Variants in STPG2 observed in about 807,000 individuals in gnomAD.
The protein encoded by STPG2 is sperm tail PG-rich repeat containing 2, also known as sperm-tail PG-rich repeat-containing protein 2.
Under a neutral mutation model 54.2 loss-of-function variants are expected in STPG2, and 56 were observed. That is an observed-to-expected ratio of 1.03 (90% CI 0.83 to 1.29). STPG2 has a LOEUF of 1.29. Ranked by LOEUF, STPG2 falls within the 50% of genes most tolerant of loss-of-function variation. The pLI is 0.00. For missense variants in STPG2, 596 were observed against 544.9 expected, an observed-to-expected ratio of 1.09 and a Z score of -0.93; for synonymous variants, 200 against 181.8, an observed-to-expected ratio of 1.10 and a Z score of -0.81.
At chr4:97,960,504 C>T (rs1331089179) in intron 7 of STPG2, among the ~76,000 whole-genome samples, 29 of 152,052 alleles carry the variant, frequency 1.9e-4, no homozygotes, top group Admixed American at 1.9e-3. Flanking sequence ...AGCAAAGTTT[C>T]CAGATACAAA....
intron 9 of STPG2, among the ~76,000 whole-genome samples, chr4:97,788,614 T>G (rs903676695): frequency 6.6e-6 from 1 of 152,122 alleles, no homozygotes; most frequent in Non-Finnish European, 1.5e-5. Flanking sequence ...CTAGATCATA[T>G]AGTAGTTCTA....
rs181290112 is a variant in STPG2, at chr4:97,928,958, G to A, written c.1044+14939C>T. Among the ~76,000 whole-genome samples, 152 of 152,086 alleles carry A rather than the reference G, an allele frequency of 1.0e-3. 1 individual carries two copies. Among genetic ancestry groups the A allele is most frequent in the African/African-American group, 2.7e-3 (114 of 41,482 alleles). ...AGGTAAACTTGTACCACAGAGATCT[G>A]CTGTACAGATATTTCACAACCCAGG... On this transcript the variant is annotated intron_variant, in intron 8 of 10. Transcript: ENST00000295268.
intron 6 of STPG2, 100 bp downstream of exon 6, chr4:97,981,059 G>A (rs1734657862): frequency 1.5e-6 from 2 of 1,300,410 alleles, no homozygotes; most frequent in Non-Finnish European, 2.1e-6. Context: ...CCAACCATAG[G>A]ACAAAAAAGA....
intron 9 of STPG2, among the ~76,000 whole-genome samples, chr4:97,737,239 G>A (rs1725035447): frequency 6.6e-6 from 1 of 152,116 alleles, no homozygotes; most frequent in Admixed American, 6.5e-5. Flanking sequence ...ACCAAAGGTA[G>A]ATAAAACCAC....
intron 8 of STPG2, among the ~76,000 whole-genome samples, chr4:97,937,315 G>GT (rs1732783288): frequency 1.3e-5 from 2 of 151,922 alleles, no homozygotes; most frequent in African/African-American, 4.8e-5. Context: ...TTTGCATTGG[G>GT]TTAGAACATG....
intron 9 of STPG2, among the ~76,000 whole-genome samples, chr4:97,803,369 G>A (rs1006535156): frequency 2.6e-5 from 4 of 152,086 alleles, no homozygotes; most frequent in African/African-American, 9.7e-5. Context: ...TATCTGTAAG[G>A]AAAAATACTA....
At chr4:97,778,662 C>T (rs999859504) in intron 9 of STPG2, among the ~76,000 whole-genome samples, 1 of 152,204 alleles carries the variant, frequency 6.6e-6, no homozygotes, top group Non-Finnish European at 1.5e-5. Context: ...CCCCGAGTAG[C>T]CTATCTGGGA....
At position 98,064,333 on chromosome 4, in the gene STPG2, T is replaced by C. The variant is rs375769254; in HGVS notation, c.612+41620A>G. Among the ~76,000 whole-genome samples, 35 of 152,268 alleles carry C rather than the reference T, an allele frequency of 2.3e-4. 1 individual carries two copies. The East Asian group carries it at 3.3e-3, about 14-fold the overall frequency. On this transcript the variant is annotated intron_variant, in intron 5 of 10. Transcript: ENST00000295268. ...TTGTTATCGCTACTACAGACTAATATCACAGGCGCAAAAATCCAAATAAAA... is the reference window on the plus strand; with the variant it reads ...TTGTTATCGCTACTACAGACTAATACCACAGGCGCAAAAATCCAAATAAAA...
At chr4:97,454,798 GT>G (rs201272981) in intron 4 of STPG2, among the ~76,000 whole-genome samples, 2,301 of 152,140 alleles carry the variant, frequency 0.015, 53 homozygotes, top group African/African-American at 0.053. Flanking sequence ...TTATGTTGTT[GT>G]TTTATATAAT....
At chr4:97,901,750 A>G (rs1731184829) in intron 8 of STPG2, among the ~76,000 whole-genome samples, 1 of 151,940 alleles carries the variant, frequency 6.6e-6, no homozygotes, top group South Asian at 2.1e-4. Flanking sequence ...TGAAAGTAAT[A>G]TACAGATTCA....
At chr4:97,806,882 G>C (rs2149094161) in intron 9 of STPG2, among the ~76,000 whole-genome samples, 1 of 152,184 alleles carries the variant, frequency 6.6e-6, no homozygotes, top group South Asian at 2.1e-4. Flanking sequence ...CAAAACATAA[G>C]TGCATATGAA....
At chr4:97,609,594 T>C (rs577097480) in intron 10 of STPG2, among the ~76,000 whole-genome samples, 96 of 152,116 alleles carry the variant, frequency 6.3e-4, no homozygotes, top group African/African-American at 2.3e-3. Flanking sequence ...GGAAGAACTT[T>C]ATTGTATGCA....
intron 10 of STPG2, among the ~76,000 whole-genome samples, chr4:97,652,687 C>T (rs143300873): frequency 6.6e-6 from 1 of 151,904 alleles, no homozygotes; most frequent in African/African-American, 2.4e-5. Flanking sequence ...TACACATACA[C>T]ATAAAAAAGT....
intron 9 of STPG2, among the ~76,000 whole-genome samples, chr4:97,735,464 G>A (rs957730943): frequency 7.9e-5 from 12 of 151,198 alleles, no homozygotes. Flanking sequence ...CACTATTCAG[G>A]TGACAGATGC....
At chr4:98,048,018 G>A (rs954662977) in intron 5 of STPG2, among the ~76,000 whole-genome samples, 2 of 152,148 alleles carry the variant, frequency 1.3e-5, no homozygotes, top group African/African-American at 4.8e-5. Context: ...GTAGTATTAA[G>A]GTCACCAGAA....
intron 6 of STPG2, among the ~76,000 whole-genome samples, chr4:97,980,194 T>A (rs966896040): frequency 2.0e-5 from 3 of 152,158 alleles, no homozygotes; most frequent in Middle Eastern, 3.4e-3. Flanking sequence ...GCCTCAAAAA[T>A]TTTTTTAAAA....
chr4:97,675,380 A>T (rs896950670), intron 10 of STPG2, among the ~76,000 whole-genome samples: 2 of 152,198 alleles, frequency 1.3e-5, no homozygotes, highest in Admixed American at 6.5e-5. Flanking sequence ...TGCAAGCCTG[A>T]AACTTCATAA....
chr4:97,498,245 TAGAG>T (rs905618378), intron 4 of STPG2, among the ~76,000 whole-genome samples: 6 of 151,884 alleles, frequency 4.0e-5, no homozygotes, highest in African/African-American at 1.4e-4. Context: ...CACCTTTAAA[TAGAG>T]AACTTGTTAA....
intron 9 of STPG2, among the ~76,000 whole-genome samples, chr4:97,782,683 T>C (rs757276836): frequency 6.6e-6 from 1 of 152,190 alleles, no homozygotes; most frequent in Non-Finnish European, 1.5e-5. Flanking sequence ...CAAACTTTAC[T>C]ACAAGCCTCC....
Sources: gnomAD v4.1 joint callset for allele counts (sites outside exome capture counted in the v4.1 genomes callset) on GRCh38, gnomAD v4.1.1 for gene constraint, MANE v1.5 for transcripts, NCBI Gene and HGNC (gene_info 2026-07-23, HGNC 2026-07-21) for gene names.